RBFOX1: variants seen among roughly 807,000 people sequenced by gnomAD.
RBFOX1 encodes the protein RNA binding protein fox-1 homolog 1.
A neutral mutation model predicts 57.7 loss-of-function variants in RBFOX1; 8 were observed. The ratio of observed to expected loss-of-function variants is 0.14; its 90% CI spans 0.08 to 0.25. The LOEUF is 0.25. RBFOX1 is among the 10% of genes least tolerant of loss of function. The probability of loss-of-function intolerance (pLI) is 1.00; values close to 1 mark genes in which losing one functional copy is unlikely to be tolerated. For synonymous variants in RBFOX1, 326 were observed against 222.4 expected (o/e 1.47, Z -4.15); for missense variants, 611 against 548.5 (o/e 1.11, Z -1.14).
At chr16:6,897,304 G>T (rs1596489258) in intron 3 of RBFOX1, among the ~76,000 whole-genome samples, 1 of 152,208 alleles carries the variant, frequency 6.6e-6, no homozygotes, top group Non-Finnish European at 1.5e-5. Context: ...TCAGGAGGCT[G>T]AGGAGGGAGA....
In RBFOX1 at chr16:7,710,640, G is replaced by A. The variant is rs776822373; in HGVS notation, c.1089G>A (p.Leu363=). 6.2e-7 allele frequency: 1 copy of A among 1,613,274 alleles called. No individual in the cohort carries two copies. Among genetic ancestry groups the A allele is most frequent in the Non-Finnish European group, 8.5e-7 (1 of 1,179,758 alleles). Reference sequence around the variant, plus strand: ...TGTTTCAGAATGCTTTTGCACCTTTGACTGATGCCAAGACTAGGAGCCATG... The same window carrying A: ...TGTTTCAGAATGCTTTTGCACCTTTAACTGATGCCAAGACTAGGAGCCATG... ...GVGAMNAFAP[L]TDAKTRSHAD... The change falls in exon 16 of 16, where the codon TTG becomes TTA. Residue 363 remains leucine, a synonymous_variant. Transcript: ENST00000550418.
chr16:6,701,371 C>G (rs961363568), intron 3 of RBFOX1, among the ~76,000 whole-genome samples: 27 of 152,220 alleles, frequency 1.8e-4, no homozygotes, highest in African/African-American at 6.3e-4. Context: ...TTACCATCAT[C>G]TTACTGACTC....
chr16:5,685,720 G>C (rs745893932), intron 3 of RBFOX1, among the ~76,000 whole-genome samples: 35 of 152,316 alleles, frequency 2.3e-4, no homozygotes, highest in Non-Finnish European at 3.7e-4. Flanking sequence ...GGTGAGGAGA[G>C]GGTGGTGCCT....
intron 4 of RBFOX1, among the ~76,000 whole-genome samples, chr16:7,291,098 G>T (rs144013658): frequency 6.6e-6 from 1 of 152,160 alleles, no homozygotes; most frequent in South Asian, 2.1e-4. Context: ...CATGCACTGG[G>T]CATAAGTGAT....
intron 1 of RBFOX1, among the ~76,000 whole-genome samples, chr16:5,382,723 C>T (rs1397766743): frequency 6.6e-6 from 1 of 152,130 alleles, no homozygotes; most frequent in East Asian, 1.9e-4. Context: ...ATTCAGTTGG[C>T]AAGGTTTTCG....
intron 3 of RBFOX1, among the ~76,000 whole-genome samples, chr16:5,706,354 A>C (rs542794767): frequency 6.6e-6 from 1 of 152,320 alleles, no homozygotes; most frequent in Admixed American, 6.5e-5. Flanking sequence ...GTTCCAAGCA[A>C]GCTGATTTCA....
At chr16:5,310,834 T>C (rs748820489) in intron 1 of RBFOX1, among the ~76,000 whole-genome samples, 3 of 152,230 alleles carry the variant, frequency 2.0e-5, no homozygotes, top group Non-Finnish European at 4.4e-5. Flanking sequence ...AGTACACTCT[T>C]TTCTTTAAAA....
chr16:7,699,381 G>A (rs181154539), intron 14 of RBFOX1, among the ~76,000 whole-genome samples: 1 of 152,216 alleles, frequency 6.6e-6, no homozygotes, highest in East Asian at 1.9e-4. Context: ...TTGAAGAAAT[G>A]GGGTCTTGTT....
chr16:7,375,846 T>G (rs1006079651), intron 4 of RBFOX1, among the ~76,000 whole-genome samples: 2 of 152,222 alleles, frequency 1.3e-5, no homozygotes, highest in Non-Finnish European at 2.9e-5. Context: ...ATTTTATTAT[T>G]TGGTACTACT....
chr16:7,054,013 G>A (rs2051038166), intron 4 of RBFOX1, among the ~76,000 whole-genome samples: 1 of 151,716 alleles, frequency 6.6e-6, no homozygotes, highest in Non-Finnish European at 1.5e-5. Flanking sequence ...GTTCCCTCTG[G>A]GAGACCCCTA....
intron 4 of RBFOX1, among the ~76,000 whole-genome samples, chr16:7,409,476 C>T (rs193201814): frequency 6.6e-6 from 1 of 152,334 alleles, no homozygotes; most frequent in East Asian, 1.9e-4. Flanking sequence ...GAAAACAGCA[C>T]AGGGCTCCTG....
intron 1 of RBFOX1, among the ~76,000 whole-genome samples, chr16:6,207,952 T>G (rs997960707): frequency 6.6e-6 from 1 of 152,158 alleles, no homozygotes; most frequent in African/African-American, 2.4e-5. Context: ...CAGAATTTTT[T>G]TTAACATTAG....
chr16:7,575,044 C>A, intron 5 of RBFOX1, among the ~76,000 whole-genome samples: 1 of 137,830 alleles, frequency 7.3e-6, no homozygotes, highest in South Asian at 2.3e-4. Flanking sequence ...TAAATGTGAT[C>A]TTATTTGGGG....
intron 3 of RBFOX1, among the ~76,000 whole-genome samples, chr16:6,910,625 T>C (rs906474485): frequency 2.0e-5 from 3 of 152,144 alleles, no homozygotes; most frequent in African/African-American, 7.2e-5. Flanking sequence ...GAGAAGGCAG[T>C]TTCCCATCTT....
At chr16:7,524,885 G>C (rs899840243) in intron 5 of RBFOX1, among the ~76,000 whole-genome samples, 1 of 152,110 alleles carries the variant, frequency 6.6e-6, no homozygotes, top group Non-Finnish European at 1.5e-5. Flanking sequence ...AACTTGTTCA[G>C]GGCATTCCTT....
At chr16:7,115,132 G>T (rs149618650) in intron 4 of RBFOX1, among the ~76,000 whole-genome samples, 5 of 152,142 alleles carry the variant, frequency 3.3e-5, no homozygotes, top group African/African-American at 1.2e-4. Context: ...AGTTTCCAAC[G>T]TGTAGATTCT....
intron 5 of RBFOX1, among the ~76,000 whole-genome samples, chr16:7,539,061 C>G (rs1301329109): frequency 6.6e-6 from 1 of 152,126 alleles, no homozygotes; most frequent in Non-Finnish European, 1.5e-5. Flanking sequence ...TTGCTATGTG[C>G]TATGTCTGCC....
intron 2 of RBFOX1, among the ~76,000 whole-genome samples, chr16:6,449,242 T>G (rs558762242): frequency 1.2e-4 from 18 of 152,286 alleles, no homozygotes; most frequent in Admixed American, 3.9e-4. Context: ...ATCTCAGAAT[T>G]AAGTTATTCT....
intron 3 of RBFOX1, among the ~76,000 whole-genome samples, chr16:7,039,726 G>A (rs1027332759): frequency 6.6e-6 from 1 of 152,140 alleles, no homozygotes; most frequent in Middle Eastern, 3.4e-3. Context: ...AGAAGCAGTG[G>A]GTATGATTAC....
Sources: gnomAD v4.1 joint callset for allele counts (sites outside exome capture counted in the v4.1 genomes callset) on GRCh38, gnomAD v4.1.1 for gene constraint, MANE v1.5 for transcripts, NCBI Gene and HGNC (gene_info 2026-07-23, HGNC 2026-07-21) for gene names.